The following EML6 variants were observed in gnomAD, a reference collection of about 807,000 sequenced individuals.
The protein encoded by EML6 is echinoderm microtubule-associated protein-like 6.
EML6 carries 154 observed loss-of-function variants against 240.1 expected under a neutral mutation model. The observed-to-expected ratio is 0.64, with a 90% CI of 0.56 to 0.73. EML6 has a LOEUF of 0.73. Ranked by LOEUF, EML6 falls within the 30% of genes least tolerant of loss-of-function variation. The pLI, the probability that EML6 is intolerant of heterozygous loss-of-function variation, is 0.00. For missense variants in EML6, 2,964 were observed against 2,474.6 expected, an observed-to-expected ratio of 1.20 and a Z score of -4.20; for synonymous variants, 1,148 against 899.0, an observed-to-expected ratio of 1.28 and a Z score of -4.95.
At chr2:54,777,567 T>C (rs757651372) in intron 2 of EML6, among the ~76,000 whole-genome samples, 1 of 152,200 alleles carries the variant, frequency 6.6e-6, no homozygotes, top group Non-Finnish European at 1.5e-5. Flanking sequence ...GAAATGTAAT[T>C]ACTATCTTGG....
At chr2:54,969,143 A>G (rs1302384583) in intron 41 of EML6, among the ~76,000 whole-genome samples, 2 of 152,290 alleles carry the variant, frequency 1.3e-5, no homozygotes, top group African/African-American at 2.4e-5. Context: ...ATTCATCTAT[A>G]TGTCCTTTTA....
intron 2 of EML6, among the ~76,000 whole-genome samples, chr2:54,778,918 A>T (rs969779987): frequency 6.6e-6 from 1 of 151,138 alleles, no homozygotes; most frequent in Admixed American, 6.6e-5. Flanking sequence ...GAAAGAAAAG[A>T]AGTGAATTGT....
At chr2:54,887,869 G>C (rs1348800456) in intron 17 of EML6, among the ~76,000 whole-genome samples, 1 of 152,086 alleles carries the variant, frequency 6.6e-6, no homozygotes, top group Non-Finnish European at 1.5e-5. Context: ...TCACCCTCCT[G>C]CACTAGACGG....
intron 29 of EML6, among the ~76,000 whole-genome samples, chr2:54,949,167 C>G (rs1322808985): frequency 1.3e-5 from 2 of 152,128 alleles, no homozygotes; most frequent in African/African-American, 4.8e-5. Context: ...CCTGCTTCCC[C>G]CAGCCCTGTC....
intron 28 of EML6, among the ~76,000 whole-genome samples, chr2:54,929,522 G>T (rs1286934241): frequency 6.6e-6 from 1 of 152,186 alleles, no homozygotes; most frequent in East Asian, 1.9e-4. Context: ...TAATAATTCT[G>T]TTGGCTGTTC....
intron 15 of EML6, among the ~76,000 whole-genome samples, chr2:54,871,164 C>A (rs1264529388): frequency 1.3e-5 from 2 of 152,126 alleles, no homozygotes; most frequent in African/African-American, 4.8e-5. Flanking sequence ...GACTGAGAAG[C>A]AGAATCTTGT....
chr2:54,791,016 C>G (rs981321807), intron 2 of EML6, among the ~76,000 whole-genome samples: 1 of 152,164 alleles, frequency 6.6e-6, no homozygotes, highest in South Asian at 2.1e-4. Flanking sequence ...TGAGCCACCG[C>G]GCCCGGCCGG....
At chr2:54,849,179 A>G (rs1669933519) in intron 9 of EML6, among the ~76,000 whole-genome samples, 1 of 152,266 alleles carries the variant, frequency 6.6e-6, no homozygotes, top group Non-Finnish European at 1.5e-5. Context: ...TTTTCAGGGT[A>G]CATGTAATTG....
intron 17 of EML6, among the ~76,000 whole-genome samples, chr2:54,883,534 G>C (rs1173936801): frequency 6.6e-6 from 1 of 152,118 alleles, no homozygotes; most frequent in East Asian, 1.9e-4. Context: ...AGTTGCCCTT[G>C]GCCTCTGGAA....
chr2:54,827,890 T>A, intron 6 of EML6, 139 bp downstream of exon 6: 1 of 621,856 alleles, frequency 1.6e-6, no homozygotes, highest in Non-Finnish European at 2.8e-6. Flanking sequence ...ATTTCCCATA[T>A]TACATTTGCT....
chr2:54,766,571 G>C (rs1364505498), intron 2 of EML6, among the ~76,000 whole-genome samples: 1 of 151,992 alleles, frequency 6.6e-6, no homozygotes, highest in African/African-American at 2.4e-5. Context: ...TGTTAACTTT[G>C]GTCACTTGGT....
chr2:54,892,698 CTAAAAT>C, intron 19 of EML6, 42 bp downstream of exon 19: 2 of 1,478,820 alleles, frequency 1.4e-6, no homozygotes, highest in South Asian at 2.5e-5. Context: ...CATCAGCCTT[CTAAAAT>C]TATAAGGTAG....
intron 28 of EML6, among the ~76,000 whole-genome samples, chr2:54,941,366 G>A (rs1041052469): frequency 1.3e-5 from 2 of 151,988 alleles, no homozygotes; most frequent in Non-Finnish European, 2.9e-5. Flanking sequence ...TTTCAAGCTC[G>A]CCTGAGGCAT....
intron 2 of EML6, among the ~76,000 whole-genome samples, chr2:54,777,558 A>C (rs1009876618): frequency 6.6e-6 from 1 of 152,202 alleles, no homozygotes; most frequent in Admixed American, 6.5e-5. Flanking sequence ...TGGAAAGGGG[A>C]AATGTAATTA....
chr2:54,796,129 CA>C (rs1253220833), intron 2 of EML6, among the ~76,000 whole-genome samples: 1 of 152,094 alleles, frequency 6.6e-6, no homozygotes, highest in African/African-American at 2.4e-5. Flanking sequence ...AAGTATGATA[CA>C]AAATCCGTCT....
At chr2:54,867,934 C>T (rs542533894) in intron 14 of EML6, 2 of 152,226 alleles carry the variant, frequency 1.3e-5, no homozygotes, top group East Asian at 3.9e-4. Flanking sequence ...AAAAATTTTT[C>T]TGTGGTCCTA....
At chr2:54,790,171 G>C (rs1321866428) in intron 2 of EML6, among the ~76,000 whole-genome samples, 1 of 152,194 alleles carries the variant, frequency 6.6e-6, no homozygotes, top group Admixed American at 6.5e-5. Flanking sequence ...TTATAAGAGA[G>C]ATTGAATAGT....
intron 35 of EML6, among the ~76,000 whole-genome samples, chr2:54,962,294 G>T (rs1676555776): frequency 6.6e-6 from 1 of 151,900 alleles, no homozygotes; most frequent in South Asian, 2.1e-4. Flanking sequence ...ACAATTCAGT[G>T]GCATTAGGTG....
At chr2:54,893,679 T>A (rs1443339829) in intron 19 of EML6, among the ~76,000 whole-genome samples, 1 of 152,196 alleles carries the variant, frequency 6.6e-6, no homozygotes, top group Non-Finnish European at 1.5e-5. Flanking sequence ...TAGTACCACT[T>A]CATCTGTGCC....
Sources: gnomAD v4.1 joint callset for allele counts (sites outside exome capture counted in the v4.1 genomes callset) on GRCh38, gnomAD v4.1.1 for gene constraint, MANE v1.5 for transcripts, NCBI Gene and HGNC (gene_info 2026-07-23, HGNC 2026-07-21) for gene names.